The following TBL1XR1 variants were observed in gnomAD, a reference collection of about 807,000 sequenced individuals.
TBL1XR1 encodes the protein TBL1X/Y related 1, also known as F-box-like/WD repeat-containing protein TBL1XR1.
TBL1XR1 carries 5 observed loss-of-function variants against 66.9 expected under a neutral mutation model. The observed-to-expected ratio is 0.07, with a 90% CI of 0.04 to 0.16. The LOEUF is 0.16. Ranked by LOEUF, TBL1XR1 falls within the 10% of genes least tolerant of loss-of-function variation. The pLI, the probability that TBL1XR1 is intolerant of heterozygous loss-of-function variation, is 1.00. For missense variants in TBL1XR1, 238 were observed against 623.2 expected, an observed-to-expected ratio of 0.38 and a Z score of 6.58; for synonymous variants, 210 against 206.0, an observed-to-expected ratio of 1.02 and a Z score of -0.17.
chr3:177,107,503 T>C (rs1387274913), intron 1 of TBL1XR1, among the ~76,000 whole-genome samples: 1 of 151,988 alleles, frequency 6.6e-6, no homozygotes, highest in Non-Finnish European at 1.5e-5. Context: ...TGTATGGGGG[T>C]TTTTTTAGTG....
upstream of TBL1XR1, among the ~76,000 whole-genome samples, chr3:177,197,716 G>A (rs868490647): frequency 1.0e-4 from 15 of 145,704 alleles, no homozygotes; most frequent in African/African-American, 1.2e-4. Context: ...GCGGCGGGGG[G>A]GCTCCAGCGG....
chr3:177,182,766 G>A (rs1004442639), intron 1 of TBL1XR1, among the ~76,000 whole-genome samples: 1 of 152,204 alleles, frequency 6.6e-6, no homozygotes, highest in Non-Finnish European at 1.5e-5. Context: ...ACGGAAAGAA[G>A]CCTAATGCTT....
intron 7 of TBL1XR1, among the ~76,000 whole-genome samples, chr3:177,049,171 G>A (rs80022223): frequency 0.078 from 11,891 of 152,232 alleles, 649 homozygotes; most frequent in South Asian, 0.12. Context: ...TTTAAAGATA[G>A]ATCTCATTCC....
chr3:177,069,778 G>A (rs1560138577), intron 2 of TBL1XR1, among the ~76,000 whole-genome samples: 1 of 93,088 alleles, frequency 1.1e-5, no homozygotes, highest in East Asian at 3.3e-4. Context: ...GGAAGGAAAG[G>A]AAGGAAAAGG....
In TBL1XR1 at chr3:177,071,038, T is replaced by G. The variant is rs1004377555; in HGVS notation, c.-45-6016A>C. 5.5e-5 allele frequency among the ~76,000 whole-genome samples: 8 copies of G among 144,430 alleles called. No homozygotes were observed. In the South Asian group the frequency reaches 1.3e-3, roughly 24 times the overall value. 94.8% of individuals were successfully genotyped at this position (144,430 alleles called of 152,430 possible). A position where few individuals can be genotyped will look rare whatever the true frequency, so the allele number is the denominator to read the frequency against. On this transcript the variant is annotated intron_variant, in intron 2 of 15. Transcript: ENST00000457928. ...GACATGTTCTGAGAATCTGTTTTTT[T>G]TTTTTTTTTTGAGACAGAGTTTTGC... is the stretch of plus-strand genomic sequence containing the variant.
intron 1 of TBL1XR1, among the ~76,000 whole-genome samples, chr3:177,173,583 G>C (rs1179214578): frequency 2.0e-5 from 3 of 152,160 alleles, no homozygotes; most frequent in African/African-American, 7.2e-5. Flanking sequence ...CATGAAAAAG[G>C]GGAAAGACTG....
intron 2 of TBL1XR1, among the ~76,000 whole-genome samples, chr3:177,089,233 A>G (rs927686000): frequency 6.6e-6 from 1 of 152,186 alleles, no homozygotes; most frequent in African/African-American, 2.4e-5. Flanking sequence ...TCATCAATGC[A>G]GAAGAGGCCA....
At chr3:177,144,732 G>A (rs554398978) in intron 1 of TBL1XR1, among the ~76,000 whole-genome samples, 25 of 151,408 alleles carry the variant, frequency 1.7e-4, no homozygotes, top group Non-Finnish European at 3.1e-4. Flanking sequence ...CAGCCTGGGC[G>A]ACAGAGGGAG....
intron 1 of TBL1XR1, chr3:177,163,841 T>C (rs1160159284): frequency 6.6e-6 from 1 of 152,204 alleles, no homozygotes; most frequent in East Asian, 1.9e-4. Context: ...AATTCATATG[T>C]ATCACTTTCT....
chr3:177,084,127 C>A (rs975994986), intron 2 of TBL1XR1, among the ~76,000 whole-genome samples: 12 of 150,582 alleles, frequency 8.0e-5, no homozygotes, highest in African/African-American at 2.9e-4. Flanking sequence ...AAAGAAAAAA[C>A]TTACACAAAA....
chr3:177,064,509 T>C (rs1022389256), intron 3 of TBL1XR1, among the ~76,000 whole-genome samples: 24 of 152,312 alleles, frequency 1.6e-4, no homozygotes, highest in African/African-American at 5.5e-4. Context: ...AATAATAATT[T>C]TGAAAGCATT....
At chr3:177,078,588 C>CA (rs5854738) in intron 2 of TBL1XR1, 60,992 of 135,716 alleles carry the variant, frequency 0.45, 12,949 homozygotes, top group East Asian at 0.59. Context: ...ACCCCCATCT[C>CA]AAAAAAAAAA....
intron 1 of TBL1XR1, among the ~76,000 whole-genome samples, chr3:177,190,245 C>A (rs571489507): frequency 6.6e-6 from 1 of 151,946 alleles, no homozygotes; most frequent in Non-Finnish European, 1.5e-5. Flanking sequence ...TGACACAATT[C>A]CTAACTAGAC....
At chr3:177,056,861 G>C (rs958319714) in intron 3 of TBL1XR1, among the ~76,000 whole-genome samples, 42 of 152,002 alleles carry the variant, frequency 2.8e-4, no homozygotes, top group African/African-American at 9.9e-4. Flanking sequence ...TTTTCTGCCA[G>C]ATCTGCGTTT....
rs987684386 is a variant in TBL1XR1, at chr3:177,050,209, C to T, written c.561-71G>A. The T allele has an allele frequency of 1.1e-5, 16 of 1,505,340 alleles. No individual in the cohort carries two copies. In the Middle Eastern group the frequency reaches 1.0e-3, roughly 99 times the overall value. The allele number at this position is 1,505,340 out of a possible 1,614,324, so 93.2% of individuals were successfully genotyped here. Reference sequence around the variant, plus strand: ...GTATCAGAACAAGGCAACATATTTACATCTGAATATTAATAAGGCAAATAA... The same window carrying T: ...GTATCAGAACAAGGCAACATATTTATATCTGAATATTAATAAGGCAAATAA... On this transcript the variant is annotated intron_variant, in intron 6 of 15. Coordinates refer to ENST00000457928, the MANE Select transcript of TBL1XR1 (RefSeq NM_024665.7).
At position 177,082,741 on chromosome 3, in the gene TBL1XR1, TATA is replaced by T. The variant is rs1560153915; in HGVS notation, c.-46+15722_-46+15724del. ...TACTAAATTTCTAAGATAGAGATTA[TATA>T]TATATATATATATATATATATATGA... On this transcript the variant is annotated intron_variant, in intron 2 of 15. Coordinates refer to ENST00000457928, the MANE Select transcript of TBL1XR1 (RefSeq NM_024665.7). Among the ~76,000 whole-genome samples the T allele has an allele frequency of 1.1e-3, 87 of 79,510 alleles. 6 individuals are homozygous for T. Among genetic ancestry groups the T allele is most frequent in the African/African-American group, 2.7e-3 (68 of 24,756 alleles). The allele number at this position is 79,510 out of a possible 152,430, so 52.2% of individuals were successfully genotyped here. A position where few individuals can be genotyped will look rare whatever the true frequency, so the allele number is the denominator to read the frequency against.
At chr3:177,053,668 A>G (rs1717410599) in intron 4 of TBL1XR1, 105 bp downstream of exon 4, 2 of 1,154,394 alleles carry the variant, frequency 1.7e-6, no homozygotes, top group African/African-American at 1.5e-5. Context: ...ACTTTTGTTA[A>G]CCCTGTGAAG....
At chr3:177,134,075 T>A (rs1376800934) in intron 1 of TBL1XR1, among the ~76,000 whole-genome samples, 1 of 152,100 alleles carries the variant, frequency 6.6e-6, no homozygotes, top group Non-Finnish European at 1.5e-5. Context: ...GACAGTCTCC[T>A]AGATACGTGA....
chr3:177,106,166 A>G (rs2108696264), intron 1 of TBL1XR1, among the ~76,000 whole-genome samples: 1 of 152,266 alleles, frequency 6.6e-6, no homozygotes, highest in Non-Finnish European at 1.5e-5. Context: ...AAAGAAGAAA[A>G]TGCATAAAAA....
Sources: allele counts gnomAD v4.1 joint callset (sites outside exome capture counted in the v4.1 genomes callset), GRCh38; gene constraint gnomAD v4.1.1; transcripts MANE v1.5; gene names NCBI Gene and HGNC (gene_info 2026-07-23, HGNC 2026-07-21).